SLC38A9: variants seen among roughly 807,000 people sequenced by gnomAD.
SLC38A9 encodes the protein neutral amino acid transporter 9.
Under a neutral mutation model 62.3 loss-of-function variants are expected in SLC38A9, and 48 were observed. The ratio of observed to expected loss-of-function variants is 0.77; its 90% CI spans 0.61 to 0.98. SLC38A9 has a LOEUF of 0.98. SLC38A9 is among the 50% of genes least tolerant of loss of function. The pLI is 0.00. For missense variants in SLC38A9, 541 were observed against 679.8 expected (o/e 0.80, Z 2.27); for synonymous variants, 204 against 227.7 (o/e 0.90, Z 0.94).
intron 3 of SLC38A9, among the ~76,000 whole-genome samples, chr5:55,676,690 C>T (rs182657849): frequency 3.9e-5 from 6 of 152,118 alleles, no homozygotes; most frequent in Non-Finnish European, 5.9e-5. Flanking sequence ...ACAACTGCTC[C>T]GAATTTGAAG....
chr5:55,697,781 T>C (rs1756115995), intron 3 of SLC38A9, 65 bp downstream of exon 3: 3 of 782,952 alleles, frequency 3.8e-6, no homozygotes, highest in Non-Finnish European at 4.1e-6. Flanking sequence ...TGTTTGGTTA[T>C]AATTAGATGT....
intron 4 of SLC38A9, among the ~76,000 whole-genome samples, chr5:55,670,881 C>A (rs1181797533): frequency 1.3e-5 from 2 of 151,686 alleles, no homozygotes; most frequent in Non-Finnish European, 2.9e-5. Flanking sequence ...GGGGAAAAAG[C>A]CGAAAAAAAA....
chr5:55,675,958 C>T (rs1360357105), intron 3 of SLC38A9, among the ~76,000 whole-genome samples: 2 of 152,018 alleles, frequency 1.3e-5, no homozygotes, highest in Non-Finnish European at 2.9e-5. Flanking sequence ...AAATAAGGTA[C>T]AAAACCAGGT....
intron 14 of SLC38A9, among the ~76,000 whole-genome samples, chr5:55,631,443 G>A (rs73119740): frequency 0.049 from 7,443 of 152,032 alleles, 313 homozygotes; most frequent in African/African-American, 0.12. Context: ...GCAAAATAAT[G>A]GTAGAAAACA....
At chr5:55,628,564 T>C (rs1742871964) in intron 14 of SLC38A9, among the ~76,000 whole-genome samples, 1 of 152,138 alleles carries the variant, frequency 6.6e-6, no homozygotes, top group Non-Finnish European at 1.5e-5. Context: ...TTGGATAACA[T>C]TGCCTCTTTC....
In SLC38A9 at chr5:55,688,851, T is replaced by C. The variant is rs772902983; in HGVS notation, c.113+8995A>G. 2.6e-5 allele frequency among the ~76,000 whole-genome samples: 4 copies of C among 152,162 alleles called. 1 individual carries two copies. The highest frequency in any genetic ancestry group is 2.0e-4 in the Admixed American group (3 of 15,278). ...AACATAATGAAATTGTATTTTAACA[T>C]GTAAATTCCCAGGCATAGCTACACT... is the stretch of plus-strand genomic sequence containing the variant. On this transcript the variant is annotated intron_variant, in intron 3 of 15. Transcript: ENST00000396865.
At chr5:55,634,627 CT>C (rs1744042727) in intron 13 of SLC38A9, 1 of 152,126 alleles carries the variant, frequency 6.6e-6, no homozygotes, top group Non-Finnish European at 1.5e-5. Flanking sequence ...CAAAGAACTT[CT>C]GGAGTCAAGG....
intron 2 of SLC38A9, among the ~76,000 whole-genome samples, chr5:55,699,221 C>G (rs1756326740): frequency 6.6e-6 from 1 of 152,172 alleles, no homozygotes; most frequent in South Asian, 2.1e-4. Flanking sequence ...TGCCACTGCA[C>G]TCTAGCCTGG....
chr5:55,705,972 T>G (rs955275774), intron 2 of SLC38A9, among the ~76,000 whole-genome samples: 5 of 152,124 alleles, frequency 3.3e-5, no homozygotes, highest in Non-Finnish European at 4.4e-5. Flanking sequence ...CCTCCCAAAG[T>G]GCTGGGATTA....
chr5:55,704,007 T>C (rs1304809123), intron 2 of SLC38A9: 1 of 151,790 alleles, frequency 6.6e-6, no homozygotes, highest in Non-Finnish European at 1.5e-5. Context: ...ATTTGATTGA[T>C]ATATATATAT....
At chr5:55,661,825 C>T (rs573263666) in intron 8 of SLC38A9, among the ~76,000 whole-genome samples, 1 of 152,208 alleles carries the variant, frequency 6.6e-6, no homozygotes, top group East Asian at 1.9e-4. Flanking sequence ...TTACAGAGTT[C>T]CTATAGGTAA....
intron 3 of SLC38A9, among the ~76,000 whole-genome samples, chr5:55,690,852 G>C (rs555167909): frequency 6.6e-6 from 1 of 152,296 alleles, no homozygotes; most frequent in African/African-American, 2.4e-5. Flanking sequence ...AAACTTGTTA[G>C]ACTGCGACCT....
rs540004033 is a variant in SLC38A9 at position 55,626,442 on chromosome 5, T to C, written c.*52A>G. ...TACAAGTGAATTTATATAGAACTGTTGTCAAGGCTCAAAATATCATGAGAG... is the reference window on the plus strand; with the variant it reads ...TACAAGTGAATTTATATAGAACTGTCGTCAAGGCTCAAAATATCATGAGAG... On this transcript the variant is annotated 3_prime_UTR_variant, in exon 16 of 16. Transcript: ENST00000396865. The C allele has an allele frequency of 6.8e-7, 1 of 1,466,562 alleles. No homozygotes were observed. Among genetic ancestry groups the C allele is most frequent in the South Asian group, 1.2e-5 (1 of 80,688 alleles). 90.8% of individuals were successfully genotyped at this position (1,466,562 alleles called of 1,614,324 possible).
chr5:55,698,442 C>T (rs146927243), intron 2 of SLC38A9, among the ~76,000 whole-genome samples: 154 of 152,220 alleles, frequency 1.0e-3, no homozygotes, highest in African/African-American at 3.6e-3. Context: ...TTTTCAAAGC[C>T]TTGTGTAGTA....
chr5:55,677,919 TTC>T (rs1752348946), intron 3 of SLC38A9, among the ~76,000 whole-genome samples: 8 of 129,416 alleles, frequency 6.2e-5, no homozygotes, highest in Non-Finnish European at 1.2e-4. Context: ...TACTTTTTTT[TTC>T]TTTATTGTGT....
At chr5:55,700,778 A>G (rs952805955) in intron 2 of SLC38A9, among the ~76,000 whole-genome samples, 1 of 152,192 alleles carries the variant, frequency 6.6e-6, no homozygotes, top group African/African-American at 2.4e-5. Flanking sequence ...TACTTGACCT[A>G]TTGGAAATAT....
At chr5:55,699,798 T>C (rs1561442466) in intron 2 of SLC38A9, among the ~76,000 whole-genome samples, 2 of 151,626 alleles carry the variant, frequency 1.3e-5, no homozygotes, top group South Asian at 2.1e-4. Flanking sequence ...ATTAACGACA[T>C]AGAAGATAAG....
At chr5:55,651,066 C>T (rs1231669031) in intron 10 of SLC38A9, among the ~76,000 whole-genome samples, 2 of 152,166 alleles carry the variant, frequency 1.3e-5, no homozygotes, top group East Asian at 3.9e-4. Flanking sequence ...GCTGGGATTA[C>T]AGGCGTGAGC....
intron 2 of SLC38A9, among the ~76,000 whole-genome samples, chr5:55,699,098 A>G (rs1479472987): frequency 6.6e-6 from 1 of 152,090 alleles, no homozygotes; most frequent in East Asian, 1.9e-4. Context: ...TACTAAAAAT[A>G]TAGAAAAATA....
Sources: gnomAD v4.1 joint callset for allele counts (sites outside exome capture counted in the v4.1 genomes callset) on GRCh38, gnomAD v4.1.1 for gene constraint, MANE v1.5 for transcripts, NCBI Gene and HGNC (gene_info 2026-07-23, HGNC 2026-07-21) for gene names.